CRTC3: variants seen among roughly 807,000 people sequenced by gnomAD.
The protein encoded by CRTC3 is CREB-regulated transcription coactivator 3.
Under a neutral mutation model 74.5 loss-of-function variants are expected in CRTC3, and 26 were observed. The observed-to-expected ratio is 0.35, with a 90% CI of 0.26 to 0.48. The LOEUF is 0.48. Ranked by LOEUF, CRTC3 falls within the 20% of genes least tolerant of loss-of-function variation. The pLI is 0.99. For synonymous variants in CRTC3, 377 were observed against 325.8 expected (o/e 1.16, Z -1.69); for missense variants, 760 against 787.3 (o/e 0.97, Z 0.41).
intron 11 of CRTC3, among the ~76,000 whole-genome samples, chr15:90,630,501 G>T (rs2151093428): frequency 6.6e-6 from 1 of 152,234 alleles, no homozygotes; most frequent in African/African-American, 2.4e-5. Context: ...TGTAGTCCCA[G>T]CTACTCCAGA....
intron 5 of CRTC3, among the ~76,000 whole-genome samples, chr15:90,604,844 A>ACT (rs1968173813): frequency 1.3e-5 from 2 of 152,318 alleles, no homozygotes; most frequent in East Asian, 3.9e-4. Context: ...CAGGAGTAAG[A>ACT]GTTCTACCTC....
intron 10 of CRTC3, among the ~76,000 whole-genome samples, chr15:90,628,153 C>A (rs1279491760): frequency 6.6e-6 from 1 of 151,482 alleles, no homozygotes; most frequent in East Asian, 2.0e-4. Context: ...GGAGACGGAG[C>A]TTGCAGTGAG....
chr15:90,549,167 A>C (rs1243276810), intron 2 of CRTC3, among the ~76,000 whole-genome samples: 1 of 152,040 alleles, frequency 6.6e-6, no homozygotes, highest in Non-Finnish European at 1.5e-5. Flanking sequence ...TTTTCCTTCT[A>C]TGTGTTCAAT....
At chr15:90,562,397 G>A (rs1967031442) in intron 2 of CRTC3, among the ~76,000 whole-genome samples, 1 of 152,174 alleles carries the variant, frequency 6.6e-6, no homozygotes, top group Non-Finnish European at 1.5e-5. Context: ...AGTGGCAAGT[G>A]ACAGTCAGGA....
chr15:90,626,423 T>C (rs1968835701), intron 10 of CRTC3, among the ~76,000 whole-genome samples: 2 of 152,224 alleles, frequency 1.3e-5, no homozygotes, highest in Non-Finnish European at 2.9e-5. Flanking sequence ...ACAGTGGATA[T>C]GATGAAAATA....
intron 10 of CRTC3, 129 bp downstream of exon 10, chr15:90,626,122 G>GTATC (rs1454977563): frequency 6.6e-6 from 5 of 760,210 alleles, no homozygotes; most frequent in East Asian, 5.0e-5. Context: ...GTACCTTCTT[G>GTATC]TATCTCCTGA....
At chr15:90,637,784 C>T (rs568868194) in intron 11 of CRTC3, 24 of 152,480 alleles carry the variant, frequency 1.6e-4, no homozygotes, top group African/African-American at 5.1e-4. Flanking sequence ...GTTTTAGCTT[C>T]ACCGCCTGCT....
intron 1 of CRTC3, among the ~76,000 whole-genome samples, chr15:90,535,015 G>T (rs1966694084): frequency 6.6e-6 from 1 of 152,012 alleles, no homozygotes; most frequent in Admixed American, 6.6e-5. Flanking sequence ...CAAAAAATTA[G>T]CCAGGCATGG....
chr15:90,535,797 T>A (rs1031521990), intron 1 of CRTC3, among the ~76,000 whole-genome samples: 3 of 152,196 alleles, frequency 2.0e-5, no homozygotes, highest in Non-Finnish European at 4.4e-5. Flanking sequence ...TTTCACATGT[T>A]GTTATCTCAC....
intron 1 of CRTC3, among the ~76,000 whole-genome samples, chr15:90,534,943 T>C (rs1966692072): frequency 6.6e-6 from 1 of 152,110 alleles, no homozygotes; most frequent in South Asian, 2.1e-4. Context: ...GCGGATCACC[T>C]AAGGTCAGGA....
chr15:90,536,307 G>A (rs972231347), intron 1 of CRTC3, among the ~76,000 whole-genome samples: 2 of 152,002 alleles, frequency 1.3e-5, no homozygotes, highest in Non-Finnish European at 2.9e-5. Context: ...AGGCTGAGGC[G>A]GGTAGATAGC....
chr15:90,637,580 T>A (rs181324513), intron 11 of CRTC3, among the ~76,000 whole-genome samples: 1 of 152,332 alleles, frequency 6.6e-6, no homozygotes, highest in Non-Finnish European at 1.5e-5. Flanking sequence ...AAATTTCTTC[T>A]AAACCCTGTG....
At chr15:90,538,773 C>CT (rs4031379) in intron 1 of CRTC3, among the ~76,000 whole-genome samples, 55,713 of 144,272 alleles carry the variant, frequency 0.39, 11,608 homozygotes, top group African/African-American at 0.54. Context: ...CAAACTTCAC[C>CT]TTTTTTTTTT....
intron 6 of CRTC3, among the ~76,000 whole-genome samples, chr15:90,613,472 G>T (rs537466139): frequency 7.2e-5 from 11 of 152,200 alleles, no homozygotes; most frequent in Admixed American, 5.9e-4. Context: ...TCTTCTACCT[G>T]TGTTATAGAA....
At chr15:90,608,063 A>T (rs1273353154) in intron 6 of CRTC3, among the ~76,000 whole-genome samples, 1 of 152,090 alleles carries the variant, frequency 6.6e-6, no homozygotes, top group East Asian at 1.9e-4. Flanking sequence ...AGGGTGGAGC[A>T]GAGGCCTGCT....
intron 13 of CRTC3, among the ~76,000 whole-genome samples, chr15:90,639,099 A>AC (rs1969346234): frequency 6.6e-6 from 1 of 152,110 alleles, no homozygotes; most frequent in African/African-American, 2.4e-5. Context: ...ACTGGAAGGG[A>AC]CACAGCACCT....
At chr15:90,591,045 C>T (rs1268806024) in intron 2 of CRTC3, among the ~76,000 whole-genome samples, 1 of 152,100 alleles carries the variant, frequency 6.6e-6, no homozygotes, top group African/African-American at 2.4e-5. Context: ...GCCTCGAACA[C>T]CTGGGTTCAA....
intron 2 of CRTC3, among the ~76,000 whole-genome samples, chr15:90,558,897 G>A (rs763770847): frequency 2.6e-5 from 4 of 151,670 alleles, no homozygotes; most frequent in Non-Finnish European, 5.9e-5. Context: ...GACTACAGAC[G>A]TGTGCTACCA....
chr15:90,567,966 C>G (rs1325576337), intron 2 of CRTC3, among the ~76,000 whole-genome samples: 1 of 152,224 alleles, frequency 6.6e-6, no homozygotes. Flanking sequence ...AAAGGGTTCA[C>G]TCTTTTAGAT....
Sources: gnomAD v4.1 joint callset for allele counts (sites outside exome capture counted in the v4.1 genomes callset) on GRCh38, gnomAD v4.1.1 for gene constraint, MANE v1.5 for transcripts, NCBI Gene and HGNC (gene_info 2026-07-23, HGNC 2026-07-21) for gene names.